The following KCNIP4 variants were observed in gnomAD, a reference collection of about 807,000 sequenced individuals.
KCNIP4 encodes potassium voltage-gated channel interacting protein 4.
A neutral mutation model predicts 34.0 loss-of-function variants in KCNIP4; 12 were observed. The observed-to-expected ratio is 0.35, with a 90% CI of 0.23 to 0.57. The LOEUF (loss-of-function observed/expected upper bound fraction) is 0.57. KCNIP4 is among the 20% of genes least tolerant of loss of function. KCNIP4 has a pLI of 0.83. For synonymous variants in KCNIP4, 124 were observed against 102.2 expected (o/e 1.21, Z -1.29); for missense variants, 238 against 311.7 (o/e 0.76, Z 1.78).
At chr4:21,765,944 G>A (rs893709372) in intron 1 of KCNIP4, among the ~76,000 whole-genome samples, 1 of 151,940 alleles carries the variant, frequency 6.6e-6, no homozygotes, top group African/African-American at 2.4e-5. Flanking sequence ...TAAACTAAGC[G>A]GCCATTAGAT....
At chr4:21,529,194 T>G (rs1736447603) in intron 1 of KCNIP4, among the ~76,000 whole-genome samples, 1 of 152,156 alleles carries the variant, frequency 6.6e-6, no homozygotes. Context: ...CCATAGACAT[T>G]ATTTGCTGAC....
At chr4:21,745,108 G>T (rs1281621592) in intron 1 of KCNIP4, among the ~76,000 whole-genome samples, 1 of 152,148 alleles carries the variant, frequency 6.6e-6, no homozygotes, top group Non-Finnish European at 1.5e-5. Context: ...CTATGGAAAA[G>T]ACAGACATGT....
chr4:21,431,689 T>C (rs28414879), intron 1 of KCNIP4, among the ~76,000 whole-genome samples: 1,548 of 151,986 alleles, frequency 0.01, 27 homozygotes, highest in African/African-American at 0.035. Flanking sequence ...TAAGAAAATA[T>C]AGGAGGATAT....
intron 1 of KCNIP4, among the ~76,000 whole-genome samples, chr4:21,000,515 T>C (rs1738028010): frequency 6.6e-6 from 1 of 152,144 alleles, no homozygotes; most frequent in South Asian, 2.1e-4. Flanking sequence ...TGGAACCCTG[T>C]CTCTACTAAA....
intron 1 of KCNIP4, among the ~76,000 whole-genome samples, chr4:21,369,320 T>C (rs1720099629): frequency 1.4e-5 from 2 of 147,486 alleles, no homozygotes; most frequent in African/African-American, 5.4e-5. Context: ...TAAAGATTAA[T>C]AAGATATATT....
chr4:21,350,071 G>T (rs1053928972), intron 1 of KCNIP4, among the ~76,000 whole-genome samples: 1 of 151,916 alleles, frequency 6.6e-6, no homozygotes, highest in Non-Finnish European at 1.5e-5. Flanking sequence ...TATAATTAGA[G>T]AAATAATTAC....
chr4:21,105,183 G>T (rs199672815), intron 1 of KCNIP4, among the ~76,000 whole-genome samples: 2 of 151,364 alleles, frequency 1.3e-5, no homozygotes, highest in South Asian at 2.1e-4. Flanking sequence ...AAATTACCTT[G>T]GGCAGTATGG....
chr4:21,346,144 TATATATA>T (rs1454101310), intron 1 of KCNIP4, among the ~76,000 whole-genome samples: 5 of 98,054 alleles, frequency 5.1e-5, no homozygotes, highest in African/African-American at 1.1e-4. Context: ...TGAGTGTGTA[TATATATA>T]ATATATAATA....
At chr4:21,016,537 T>C (rs896127770) in intron 1 of KCNIP4, among the ~76,000 whole-genome samples, 1 of 152,138 alleles carries the variant, frequency 6.6e-6, no homozygotes, top group African/African-American at 2.4e-5. Context: ...CCTCGTGATC[T>C]GCCCGCCTCG....
At chr4:21,468,480 T>C (rs1005878465) in intron 1 of KCNIP4, among the ~76,000 whole-genome samples, 1 of 152,146 alleles carries the variant, frequency 6.6e-6, no homozygotes, top group Non-Finnish European at 1.5e-5. Flanking sequence ...TCGCTTGCAT[T>C]ACGCGGCGGA....
At chr4:21,584,316 A>C (rs1741454024) in intron 1 of KCNIP4, among the ~76,000 whole-genome samples, 1 of 152,096 alleles carries the variant, frequency 6.6e-6, no homozygotes, top group South Asian at 2.1e-4. Context: ...AGAAAAATGT[A>C]ATCAGGTTTT....
At chr4:21,188,513 A>C (rs1011170203) in intron 1 of KCNIP4, among the ~76,000 whole-genome samples, 2 of 140,276 alleles carry the variant, frequency 1.4e-5, no homozygotes, top group African/African-American at 2.5e-5. Flanking sequence ...TTTCTAAAAC[A>C]TATGGTTTCT....
At chr4:20,766,946 G>A (rs887498758) in intron 3 of KCNIP4, 3 of 152,122 alleles carry the variant, frequency 2.0e-5, no homozygotes, top group East Asian at 1.9e-4. Context: ...TCTGTGAAAC[G>A]GGGACAGGAA....
chr4:20,741,915 A>G (rs1163421627), intron 5 of KCNIP4, among the ~76,000 whole-genome samples: 4 of 152,178 alleles, frequency 2.6e-5, no homozygotes, highest in African/African-American at 9.7e-5. Flanking sequence ...AGAAATACAA[A>G]CTACCATCAG....
chr4:21,151,428 T>C (rs1752749904), intron 1 of KCNIP4, among the ~76,000 whole-genome samples: 1 of 145,054 alleles, frequency 6.9e-6, no homozygotes, highest in South Asian at 2.3e-4. Flanking sequence ...TTTTTTTTTT[T>C]TTTTTTGCTG....
At chr4:21,513,836 C>A (rs1328947910) in intron 1 of KCNIP4, among the ~76,000 whole-genome samples, 9 of 152,110 alleles carry the variant, frequency 5.9e-5, no homozygotes, top group African/African-American at 2.2e-4. Flanking sequence ...AACAACGGTA[C>A]AAAACATATT....
intron 1 of KCNIP4, among the ~76,000 whole-genome samples, chr4:21,657,309 T>G (rs1328514882): frequency 1.3e-5 from 2 of 152,242 alleles, no homozygotes; most frequent in Non-Finnish European, 2.9e-5. Context: ...GTTGGCTTAT[T>G]ATTTTCCGGT....
At chr4:21,095,317 T>C (rs1436734496) in intron 1 of KCNIP4, among the ~76,000 whole-genome samples, 3 of 152,208 alleles carry the variant, frequency 2.0e-5, no homozygotes, top group Non-Finnish European at 2.9e-5. Flanking sequence ...TTCATTCCAC[T>C]AGCATATATT....
intron 1 of KCNIP4, among the ~76,000 whole-genome samples, chr4:21,855,965 T>C (rs1391593780): frequency 6.6e-6 from 1 of 152,208 alleles, no homozygotes; most frequent in Non-Finnish European, 1.5e-5. Context: ...TCAGAATATG[T>C]CTGTTAAAAT....
Sources: allele counts gnomAD v4.1 joint callset (sites outside exome capture counted in the v4.1 genomes callset), GRCh38; gene constraint gnomAD v4.1.1; transcripts MANE v1.5; gene names NCBI Gene and HGNC (gene_info 2026-07-23, HGNC 2026-07-21).